The following NPAS2 variants were observed in gnomAD, a reference collection of about 807,000 sequenced individuals.
NPAS2 encodes the protein neuronal PAS domain-containing protein 2.
In NPAS2, 23 loss-of-function variants were observed where a neutral mutation model predicts 107.5. The ratio of observed to expected loss-of-function variants is 0.21; its 90% CI spans 0.15 to 0.30. The LOEUF (loss-of-function observed/expected upper bound fraction) is 0.30. NPAS2 is among the 10% of genes least tolerant of loss of function. The probability of loss-of-function intolerance (pLI) is 1.00; values close to 1 mark genes in which losing one functional copy is unlikely to be tolerated. For synonymous variants in NPAS2, 403 were observed against 417.5 expected (o/e 0.97, Z 0.42); for missense variants, 756 against 1,043.3 (o/e 0.72, Z 3.79).
rs147295181 is a variant in NPAS2 at position 100,968,770 on chromosome 2, C to G, written c.1055+342C>G. Reference sequence around the variant, plus strand: ...CATATTTTCCCATCTCTATCCAGCCCACAGCCTTCCCTTGTTCCTGCTTTG... The same window carrying G: ...CATATTTTCCCATCTCTATCCAGCCGACAGCCTTCCCTTGTTCCTGCTTTG... On this transcript the variant is annotated intron_variant, in intron 11 of 20. Transcript: ENST00000335681. This position sits in a 1 kb window ranked among gnomAD's most constrained non-coding sequence, Gnocchi z 5.3. 1.2e-3 allele frequency among the ~76,000 whole-genome samples: 189 copies of G among 152,304 alleles called. No individual in the cohort carries two copies. The highest frequency in any genetic ancestry group is 4.1e-3 in the African/African-American group (172 of 41,564).
intron 1 of NPAS2, among the ~76,000 whole-genome samples, chr2:100,862,961 C>T (rs1558818487): frequency 1.3e-5 from 2 of 152,048 alleles, no homozygotes; most frequent in Non-Finnish European, 2.9e-5. Context: ...ATGGTGTTGT[C>T]GGGTCAGGAA....
intron 2 of NPAS2, among the ~76,000 whole-genome samples, chr2:100,924,604 C>A (rs1683442928): frequency 6.6e-6 from 1 of 152,194 alleles, no homozygotes; most frequent in South Asian, 2.1e-4. Context: ...ATACCTCTGC[C>A]CTGGGTCTGT....
chr2:100,901,418 G>C (rs917310829), intron 1 of NPAS2: 2 of 484,662 alleles, frequency 4.1e-6, no homozygotes, highest in Non-Finnish European at 5.4e-6. Flanking sequence ...AACTGGGGGG[G>C]ATGTTACAAA....
chr2:100,871,006 C>T (rs12472321), intron 1 of NPAS2, among the ~76,000 whole-genome samples: 92,067 of 152,066 alleles, frequency 0.61, 28,998 homozygotes, highest in Non-Finnish European at 0.71. Flanking sequence ...GCTGTTCTGA[C>T]AGCCTTCTGC....
At chr2:100,846,409 T>G (rs1428497603) in intron 1 of NPAS2, among the ~76,000 whole-genome samples, 1 of 152,230 alleles carries the variant, frequency 6.6e-6, no homozygotes, top group Non-Finnish European at 1.5e-5. Flanking sequence ...GGGGATGGTT[T>G]TAAAAAGGCA....
At chr2:100,919,075 T>C (rs1393836447) in intron 2 of NPAS2, among the ~76,000 whole-genome samples, 1 of 152,182 alleles carries the variant, frequency 6.6e-6, no homozygotes, top group African/African-American at 2.4e-5. Context: ...GCACACGGTA[T>C]TGACAGACAC....
chr2:100,949,555 G>T, intron 7 of NPAS2, 75 bp downstream of exon 7: 1 of 857,944 alleles, frequency 1.2e-6, no homozygotes, highest in South Asian at 1.4e-5. Context: ...ATTAAGAATC[G>T]CCCAGGGAGG....
chr2:100,914,939 A>G (rs1377005834), intron 2 of NPAS2, among the ~76,000 whole-genome samples: 2 of 152,108 alleles, frequency 1.3e-5, no homozygotes, highest in African/African-American at 4.8e-5. Flanking sequence ...TTCCCCTGTA[A>G]TATCTCCTAG....
intron 15 of NPAS2, among the ~76,000 whole-genome samples, chr2:100,981,443 G>A (rs962052381): frequency 3.3e-5 from 5 of 152,276 alleles, no homozygotes; most frequent in African/African-American, 9.6e-5. Context: ...TCCTGGAAGC[G>A]GAGGAGCCTG....
At chr2:100,978,055 T>C (rs1402636553) in intron 15 of NPAS2, among the ~76,000 whole-genome samples, 1 of 152,136 alleles carries the variant, frequency 6.6e-6, no homozygotes, top group African/African-American at 2.4e-5. Flanking sequence ...TGGTGTTTGA[T>C]TGTATGGATA....
chr2:100,883,611 C>T (rs1225576363), intron 1 of NPAS2, among the ~76,000 whole-genome samples: 2 of 152,088 alleles, frequency 1.3e-5, no homozygotes, highest in African/African-American at 2.4e-5. Flanking sequence ...TCATAACCAG[C>T]GCTCCCAGTC....
In NPAS2 at chr2:100,965,701, G is replaced by A; in HGVS notation, c.842G>A (p.Gly281Glu). 6.2e-7 allele frequency: 1 copy of A among 1,614,062 alleles called. No individual in the cohort carries two copies. Among genetic ancestry groups the A allele is most frequent in the Non-Finnish European group, 8.5e-7 (1 of 1,179,964 alleles). Residue 281 changes from glycine to glutamate, a missense_variant, in exon 10 of 21, where the codon GGA becomes GAA. Physicochemically the swap from Gly to Glu is moderately conservative, Grantham distance 98 (BLOSUM62 -2). This residue lies in a region of NPAS2 where 84 missense variants were observed against 175.5 expected (regional missense o/e 0.48). Transcript: ENST00000335681. The surrounding 1 kb of genome is among the most constrained non-coding windows in gnomAD (Gnocchi z 4.3). ...IIGYLPFEVL[G>E]TSGYDYYHID... ...GGATACCTGCCTTTTGAAGTGCTGG[G>A]AACCTCAGGCTATGACTACTACCAC...
rs1676034201 is a variant in NPAS2 at position 100,820,972 on chromosome 2, G to C, written c.-23+558G>C. 2 of 1,184,896 alleles carry C rather than the reference G, an allele frequency of 1.7e-6. No individual in the cohort carries two copies. The highest frequency in any genetic ancestry group is 2.3e-4 in the Middle Eastern group (1 of 4,270). 73.4% of individuals were successfully genotyped at this position (1,184,896 alleles called of 1,614,324 possible). On this transcript the variant is annotated intron_variant, in intron 1 of 20. Coordinates refer to ENST00000335681, the MANE Select transcript of NPAS2 (RefSeq NM_002518.4). This position sits in a 1 kb window ranked among gnomAD's most constrained non-coding sequence, Gnocchi z 5.6. ...CGTGTGCGCAGACAGCGTGCAGCCT[G>C]GCTCCTCACGTCGCTGCCGCCCCCC...
chr2:100,971,040 C>T lies in NPAS2; in HGVS notation c.1106C>T (p.Pro369Leu), dbSNP rs200251302. 14 of 1,614,026 alleles carry T rather than the reference C, an allele frequency of 8.7e-6. No homozygotes were observed. The highest frequency in any genetic ancestry group is 8.0e-5 in the African/African-American group (6 of 74,912). Residue 369 changes from proline to leucine, a missense_variant, in exon 12 of 21, where the codon CCG (proline) becomes CTG (leucine). Physicochemically the swap from Pro to Leu is moderately conservative, Grantham distance 98. Transcript: ENST00000335681. ...AGGCAGGAGCTGGCTCTGGAAGACC[C>T]GCCATCCGAGGCCCTCCACTCCTCA... ...ERRQELALED[P>L]PSEALHSSAL...
At chr2:100,884,301 C>T (rs1680564384) in intron 1 of NPAS2, among the ~76,000 whole-genome samples, 1 of 152,236 alleles carries the variant, frequency 6.6e-6, no homozygotes, top group East Asian at 1.9e-4. Context: ...TAAGAGGTCT[C>T]AAGGGCACTG....
chr2:100,964,287 C>G lies in NPAS2; in HGVS notation c.717+111C>G, dbSNP rs1022331082. ...GGAATAAATTGCAGTGAAGTTGTCA[C>G]TGGCTTTGAAAATCGAAGTGTCTGG... On this transcript the variant is annotated intron_variant, in intron 8 of 20. Coordinates refer to ENST00000335681, the MANE Select transcript of NPAS2 (RefSeq NM_002518.4). The G allele has an allele frequency of 1.6e-5, 13 of 801,440 alleles. No individual in the cohort carries two copies. The East Asian group carries it at 2.2e-4, about 14-fold the overall frequency. The allele number at this position is 801,440 out of a possible 1,614,324, so 49.6% of individuals were successfully genotyped here. A position where few individuals can be genotyped will look rare whatever the true frequency, so the allele number is the denominator to read the frequency against.
At chr2:100,886,023 T>C (rs893529379) in intron 1 of NPAS2, among the ~76,000 whole-genome samples, 3 of 152,226 alleles carry the variant, frequency 2.0e-5, no homozygotes, top group African/African-American at 2.4e-5. Context: ...ACATGTAAAA[T>C]CATTTATTTA....
rs774799989 is a variant in NPAS2 at position 100,990,240 on chromosome 2, TG to T, written c.1828-15del. ...TGAGTCCAAGTCTTACCTTTCTCAT[TG>T]AAATGATGCTCCAGGGTCCAAAGCC... On this transcript the variant is annotated splice_polypyrimidine_tract_variant and intron_variant, in intron 17 of 20. Coordinates refer to ENST00000335681, the MANE Select transcript of NPAS2 (RefSeq NM_002518.4). The T allele has an allele frequency of 1.4e-5, 22 of 1,612,474 alleles. No homozygotes were observed. Among genetic ancestry groups the T allele is most frequent in the Non-Finnish European group, 1.8e-5 (21 of 1,178,754 alleles).
chr2:100,957,697 C>T (rs1171349769), intron 7 of NPAS2, among the ~76,000 whole-genome samples: 3 of 152,152 alleles, frequency 2.0e-5, no homozygotes, highest in East Asian at 3.9e-4. Flanking sequence ...GAGGCCGAGG[C>T]GGGCGGATCA....
Sources: allele counts gnomAD v4.1 joint callset (sites outside exome capture counted in the v4.1 genomes callset), GRCh38; gene constraint gnomAD v4.1.1; regional missense constraint gnomAD v4.1.1; non-coding constraint Gnocchi (gnomAD v3.1); transcripts MANE v1.5; gene names NCBI Gene and HGNC (gene_info 2026-07-23, HGNC 2026-07-21).